Variants in SLC5A7 observed in about 807,000 individuals in gnomAD.
SLC5A7 encodes the protein solute carrier family 5 member 7.
Under a neutral mutation model 55.4 loss-of-function variants are expected in SLC5A7, and 19 were observed. The observed-to-expected ratio is 0.34, with a 90% CI of 0.24 to 0.50. The LOEUF (loss-of-function observed/expected upper bound fraction) is 0.50, where lower values mean the gene tolerates loss of function less well. Among genes scored for constraint, SLC5A7 ranks in the 20% least tolerant of loss-of-function variants. SLC5A7 has a pLI of 0.98. For missense variants in SLC5A7, 506 were observed against 705.3 expected, an observed-to-expected ratio of 0.72 and a Z score of 3.20; for synonymous variants, 265 against 263.7, an observed-to-expected ratio of 1.00 and a Z score of -0.05.
intron 4 of SLC5A7, among the ~76,000 whole-genome samples, chr2:107,994,524 T>TA (rs1171496107): frequency 6.6e-6 from 1 of 151,974 alleles, no homozygotes; most frequent in Non-Finnish European, 1.5e-5. Flanking sequence ...AGGCAGAGCT[T>TA]ACAGTGAGCT....
At chr2:108,010,142 C>T (rs1360024584) in intron 8 of SLC5A7, 90 bp from the exon 9 acceptor site, 4 of 1,472,774 alleles carry the variant, frequency 2.7e-6, no homozygotes, top group Non-Finnish European at 3.7e-6. Flanking sequence ...ATTCTTTAGA[C>T]CAGTTTTGAA....
intron 5 of SLC5A7, among the ~76,000 whole-genome samples, chr2:107,998,388 A>G (rs996677690): frequency 2.6e-5 from 4 of 152,236 alleles, no homozygotes; most frequent in Admixed American, 2.0e-4. Flanking sequence ...CTCATAAGAC[A>G]TAGAAATGAT....
intron 7 of SLC5A7, 139 bp downstream of exon 7, chr2:108,006,341 A>G (rs940265592): frequency 1.7e-5 from 14 of 840,334 alleles, no homozygotes; most frequent in Middle Eastern, 3.8e-4. Flanking sequence ...TTGTTATAGC[A>G]TTCAGTAAAT....
intron 8 of SLC5A7, among the ~76,000 whole-genome samples, chr2:108,009,976 G>T (rs959670898): frequency 1.3e-5 from 2 of 152,120 alleles, no homozygotes; most frequent in Admixed American, 1.3e-4. Flanking sequence ...TTGCCCCTGT[G>T]CATTCAGGAA....
chr2:108,004,558 A>C (rs1573610392), intron 6 of SLC5A7, among the ~76,000 whole-genome samples: 1 of 152,338 alleles, frequency 6.6e-6, no homozygotes, highest in South Asian at 2.1e-4. Flanking sequence ...CAACTCATTT[A>C]TCAATTCATT....
chr2:107,992,009 A>C, intron 2 of SLC5A7, 97 bp from the exon 3 acceptor site: 2 of 612,386 alleles, frequency 3.3e-6, no homozygotes, highest in Non-Finnish European at 5.9e-6. Context: ...GTCACATTTC[A>C]GGTGCTCAGT....
intron 7 of SLC5A7, among the ~76,000 whole-genome samples, chr2:108,007,029 C>T (rs1015974761): frequency 6.6e-6 from 1 of 152,098 alleles, no homozygotes; most frequent in East Asian, 1.9e-4. Context: ...CCCTGTTAGC[C>T]TCTATGTAGA....
chr2:107,994,591 GA>G (rs899260846), intron 4 of SLC5A7, among the ~76,000 whole-genome samples: 12 of 149,654 alleles, frequency 8.0e-5, no homozygotes, highest in Non-Finnish European at 1.2e-4. Flanking sequence ...GTCTCAAAAA[GA>G]AAAAAAAAGA....
At chr2:107,999,212 T>A (rs1677792568) in intron 5 of SLC5A7, among the ~76,000 whole-genome samples, 1 of 152,222 alleles carries the variant, frequency 6.6e-6, no homozygotes, top group Admixed American at 6.5e-5. Flanking sequence ...TTACCAAAAT[T>A]AAGTGGACCG....
At chr2:107,994,645 A>G (rs1464353915) in intron 4 of SLC5A7, among the ~76,000 whole-genome samples, 3 of 152,176 alleles carry the variant, frequency 2.0e-5, no homozygotes, top group Non-Finnish European at 2.9e-5. Flanking sequence ...GTGCTGGATA[A>G]TAATACTCCA....
chr2:107,993,289 C>T (rs1677527174), intron 4 of SLC5A7, among the ~76,000 whole-genome samples, 162 bp downstream of exon 4: 1 of 152,212 alleles, frequency 6.6e-6, no homozygotes, highest in Non-Finnish European at 1.5e-5. Context: ...TCTACGTTTA[C>T]TTGCAATATG....
At position 108,012,992 on chromosome 2, in the gene SLC5A7, T is replaced by C. The variant is rs1050885118; in HGVS notation, c.*2131T>C. The C allele has an allele frequency of 9.2e-5, 14 of 152,120 alleles. No homozygotes were observed. Among genetic ancestry groups the C allele is most frequent in the African/African-American group, 3.4e-4 (14 of 41,430 alleles). The allele number at this position is 152,120 out of a possible 1,614,324, so 9.4% of individuals were successfully genotyped here. On this transcript the variant is annotated 3_prime_UTR_variant, in exon 9 of 9. Coordinates refer to ENST00000264047, the MANE Select transcript of SLC5A7 (RefSeq NM_021815.5). ...TGTCTCAACCTGCTGAGGCACAGAC[T>C]TCCACCATGTGCATCAGGAAACACC...
rs369012909 is a variant in SLC5A7, at chr2:108,008,425, T to C, written c.896-40T>C. The C allele has an allele frequency of 1.6e-4, 249 of 1,542,388 alleles. 1 individual carries two copies. The African/African-American group carries it at 3.0e-3, about 19-fold the overall frequency. On this transcript the variant is annotated intron_variant, in intron 7 of 8. Transcript: ENST00000264047. ...CCCCAGATGGATAAAGAACATTTGGTTCCTTGGTGGTTATAATGGTTGTTG... is the reference window on the plus strand; with the variant it reads ...CCCCAGATGGATAAAGAACATTTGGCTCCTTGGTGGTTATAATGGTTGTTG...
In SLC5A7 at chr2:108,011,596, C is replaced by A. The variant is rs1484333482; in HGVS notation, c.*735C>A. 1 of 152,056 alleles carries A rather than the reference C, an allele frequency of 6.6e-6. No individual in the cohort carries two copies. The highest frequency in any genetic ancestry group is 1.5e-5 in the Non-Finnish European group (1 of 68,002). The allele number at this position is 152,056 out of a possible 1,614,324, so 9.4% of individuals were successfully genotyped here. On this transcript the variant is annotated 3_prime_UTR_variant, in exon 9 of 9. Transcript: ENST00000264047. ...CAACAGTACCTGAAGGATTATTAAGCAACCTTAAAGCAATAAGTTCATTAA... is the reference window on the plus strand; with the variant it reads ...CAACAGTACCTGAAGGATTATTAAGAAACCTTAAAGCAATAAGTTCATTAA...
At chr2:107,993,248 A>G (rs1265959172) in intron 4 of SLC5A7, 121 bp downstream of exon 4, 3 of 1,014,152 alleles carry the variant, frequency 3.0e-6, no homozygotes, top group Admixed American at 5.6e-5. Flanking sequence ...ATGCTGAACC[A>G]TATTTATATG....
At chr2:108,003,490 T>C (rs923334638) in intron 6 of SLC5A7, among the ~76,000 whole-genome samples, 4 of 152,196 alleles carry the variant, frequency 2.6e-5, no homozygotes, top group Admixed American at 6.5e-5. Context: ...GTAGTACATG[T>C]TGAATAAATG....
At chr2:107,988,661 T>C (rs1169382151) in intron 2 of SLC5A7, among the ~76,000 whole-genome samples, 1 of 152,214 alleles carries the variant, frequency 6.6e-6, no homozygotes, top group East Asian at 1.9e-4. Context: ...GAAGCTGTCC[T>C]AGTATTACAA....
intron 3 of SLC5A7, 126 bp from the exon 4 acceptor site, chr2:107,992,846 C>T: frequency 1.1e-6 from 1 of 936,120 alleles, no homozygotes; most frequent in Non-Finnish European, 1.6e-6. Flanking sequence ...GTACTGTGTG[C>T]AGACTTGTTC....
chr2:107,995,441 T>C (rs1677628634), intron 4 of SLC5A7, among the ~76,000 whole-genome samples: 1 of 141,592 alleles, frequency 7.1e-6, no homozygotes, highest in Non-Finnish European at 1.5e-5. Flanking sequence ...CTTGAACTCT[T>C]TGGGAGAGAG....
Sources: gnomAD v4.1 joint callset for allele counts (sites outside exome capture counted in the v4.1 genomes callset) on GRCh38, gnomAD v4.1.1 for gene constraint, MANE v1.5 for transcripts, NCBI Gene and HGNC (gene_info 2026-07-23, HGNC 2026-07-21) for gene names.